Variants in CSGALNACT1 observed in about 807,000 individuals in gnomAD.
CSGALNACT1 encodes the protein chondroitin sulfate N-acetylgalactosaminyltransferase 1.
Under a neutral mutation model 51.0 loss-of-function variants are expected in CSGALNACT1, and 52 were observed. The observed-to-expected ratio is 1.02, with a 90% CI of 0.82 to 1.29. The LOEUF is 1.29. Among genes scored for constraint, CSGALNACT1 ranks in the 50% most tolerant of loss-of-function variants. CSGALNACT1 has a pLI of 0.00. For synonymous variants in CSGALNACT1, 341 were observed against 254.4 expected (o/e 1.34, Z -3.24); for missense variants, 935 against 679.2 (o/e 1.38, Z -4.19).
chr8:19,646,141 TAATG>T (rs2057254694), intron 1 of CSGALNACT1, among the ~76,000 whole-genome samples: 1 of 152,014 alleles, frequency 6.6e-6, no homozygotes, highest in Non-Finnish European at 1.5e-5. Context: ...TGGGAAGAAT[TAATG>T]AAGACAAAAA....
At chr8:19,661,764 C>A (rs2058756925) in intron 1 of CSGALNACT1, among the ~76,000 whole-genome samples, 1 of 152,164 alleles carries the variant, frequency 6.6e-6, no homozygotes, top group South Asian at 2.1e-4. Flanking sequence ...GTCTTCATTT[C>A]CAGTAGAAGC....
chr8:19,449,221 T>G (rs979497799), intron 5 of CSGALNACT1, among the ~76,000 whole-genome samples: 1 of 152,136 alleles, frequency 6.6e-6, no homozygotes, highest in African/African-American at 2.4e-5. Context: ...TCAAGTGAAA[T>G]CAAAACCAAC....
intron 1 of CSGALNACT1, among the ~76,000 whole-genome samples, chr8:19,623,045 C>A (rs915119115): frequency 3.3e-5 from 5 of 152,060 alleles, no homozygotes; most frequent in African/African-American, 1.2e-4. Context: ...ACATGTATCC[C>A]AGAACTTAAA....
chr8:19,559,030 G>T (rs1588323263), intron 3 of CSGALNACT1, among the ~76,000 whole-genome samples: 1 of 152,202 alleles, frequency 6.6e-6, no homozygotes, highest in African/African-American at 2.4e-5. Context: ...CTATTTCAAA[G>T]CAACTGTGGC....
chr8:19,654,961 A>C (rs1168926527), intron 1 of CSGALNACT1, among the ~76,000 whole-genome samples: 2 of 152,206 alleles, frequency 1.3e-5, no homozygotes, highest in African/African-American at 4.8e-5. Context: ...AAAAAATTCT[A>C]AAATCACCTG....
At chr8:19,593,482 A>T (rs1468760376) in intron 2 of CSGALNACT1, among the ~76,000 whole-genome samples, 1 of 152,208 alleles carries the variant, frequency 6.6e-6, no homozygotes, top group Non-Finnish European at 1.5e-5. Context: ...ATGGCTCTCA[A>T]GTGCCCCAGA....
intron 3 of CSGALNACT1, among the ~76,000 whole-genome samples, chr8:19,529,881 C>T (rs1218540705): frequency 1.3e-5 from 2 of 152,098 alleles, no homozygotes; most frequent in Non-Finnish European, 2.9e-5. Flanking sequence ...AGCTATTGTA[C>T]TATTATTTGT....
chr8:19,572,284 G>A (rs1374806211), intron 3 of CSGALNACT1, among the ~76,000 whole-genome samples: 1 of 152,172 alleles, frequency 6.6e-6, no homozygotes, highest in Non-Finnish European at 1.5e-5. Context: ...TGAAAAGAAT[G>A]AAAATGTTGA....
intron 2 of CSGALNACT1, among the ~76,000 whole-genome samples, chr8:19,596,991 G>A (rs1260440509): frequency 3.3e-5 from 5 of 152,002 alleles, no homozygotes; most frequent in Admixed American, 2.0e-4. Flanking sequence ...CATTAAACAA[G>A]TGCCCATTCT....
At chr8:19,460,768 T>A (rs1268739971) in intron 4 of CSGALNACT1, among the ~76,000 whole-genome samples, 1 of 152,226 alleles carries the variant, frequency 6.6e-6, no homozygotes, top group African/African-American at 2.4e-5. Context: ...CTCCCTCTTC[T>A]TCTCTTTTGT....
intron 1 of CSGALNACT1, among the ~76,000 whole-genome samples, chr8:19,609,345 G>A (rs1347305629): frequency 1.4e-5 from 2 of 146,282 alleles, no homozygotes; most frequent in Non-Finnish European, 3.0e-5. Flanking sequence ...TATATTATTT[G>A]CTATGCATAC....
intron 1 of CSGALNACT1, among the ~76,000 whole-genome samples, chr8:19,699,292 T>C (rs1436433660): frequency 6.6e-6 from 1 of 152,234 alleles, no homozygotes; most frequent in East Asian, 1.9e-4. Context: ...GCCAAGTGTA[T>C]ACCCAAAAGA....
intron 3 of CSGALNACT1, among the ~76,000 whole-genome samples, chr8:19,516,133 A>G (rs1445666180): frequency 1.3e-5 from 2 of 152,276 alleles, no homozygotes; most frequent in Non-Finnish European, 2.9e-5. Flanking sequence ...CATAATTACA[A>G]GCACTTAGTG....
intron 1 of CSGALNACT1, among the ~76,000 whole-genome samples, chr8:19,663,513 G>A (rs1057228003): frequency 1.3e-5 from 2 of 152,122 alleles, no homozygotes; most frequent in South Asian, 2.1e-4. Flanking sequence ...AAGCAACTCT[G>A]TTCCAAAGAG....
intron 4 of CSGALNACT1, among the ~76,000 whole-genome samples, chr8:19,492,405 C>G (rs1203039212): frequency 6.6e-6 from 1 of 152,214 alleles, no homozygotes; most frequent in Non-Finnish European, 1.5e-5. Flanking sequence ...TTTCATCTAC[C>G]TCTTCAGTTT....
chr8:19,693,495 GT>G (rs1425737124), intron 1 of CSGALNACT1, among the ~76,000 whole-genome samples: 2 of 152,020 alleles, frequency 1.3e-5, no homozygotes, highest in Non-Finnish European at 2.9e-5. Context: ...TTTCATTAAA[GT>G]GCTCCTATTT....
At position 19,704,812 on chromosome 8, in the gene CSGALNACT1, G is replaced by A. The variant is rs544940221; in HGVS notation, c.-297+53038C>T. On this transcript the variant is annotated intron_variant, in intron 1 of 1. Coordinates refer to the CSGALNACT1 transcript ENST00000517494. Reference sequence around the variant, plus strand: ...TTGTGATAACAAGGATGAACCTGGAGGACATTATGCTAAGTGAAACAACCT... The same window carrying A: ...TTGTGATAACAAGGATGAACCTGGAAGACATTATGCTAAGTGAAACAACCT... 6.6e-5 allele frequency among the ~76,000 whole-genome samples: 10 copies of A among 152,232 alleles called. No individual in the cohort carries two copies. The South Asian group carries it at 1.7e-3, about 25-fold the overall frequency.
chr8:19,439,750 A>T, intron 6 of CSGALNACT1, 80 bp downstream of exon 5: 2 of 1,073,002 alleles, frequency 1.9e-6, no homozygotes, highest in Non-Finnish European at 2.9e-6. Flanking sequence ...AAATAAAATT[A>T]AGCAGAAGTT....
At chr8:19,737,724 T>C (rs1019187734) in intron 1 of CSGALNACT1, among the ~76,000 whole-genome samples, 2 of 152,220 alleles carry the variant, frequency 1.3e-5, no homozygotes, top group African/African-American at 4.8e-5. Context: ...ACTAAGGCTC[T>C]AACTTAAAGA....
Sources: allele counts gnomAD v4.1 joint callset (sites outside exome capture counted in the v4.1 genomes callset), GRCh38; gene constraint gnomAD v4.1.1; transcripts MANE v1.5; gene names NCBI Gene and HGNC (gene_info 2026-07-23, HGNC 2026-07-21).